C10orf67: variants seen among roughly 807,000 people sequenced by gnomAD.
C10orf67 encodes uncharacterized protein C10orf67, mitochondrial.
A neutral mutation model predicts 35.6 loss-of-function variants in C10orf67; 60 were observed. That is an observed-to-expected ratio of 1.68 (90% CI 1.37 to 2.09). The LOEUF is 2.09. Among genes scored for constraint, C10orf67 ranks in the 30% most tolerant of loss-of-function variants. The pLI is 0.00. For synonymous variants in C10orf67, 167 were observed against 115.8 expected (o/e 1.44, Z -2.84); for missense variants, 474 against 330.2 (o/e 1.44, Z -3.38).
intron 1 of C10orf67, among the ~76,000 whole-genome samples, chr10:23,343,291 TC>T (rs1311731195): frequency 2.0e-5 from 3 of 152,054 alleles, no homozygotes; most frequent in African/African-American, 4.8e-5. Flanking sequence ...TTAGTGCCCT[TC>T]TAAAAGCAGG....
At position 23,262,727 on chromosome 10, in the gene C10orf67, T is replaced by C. The variant is rs1842785986; in HGVS notation, c.1200+3535A>G. Among the ~76,000 whole-genome samples the C allele has an allele frequency of 3.9e-5, 6 of 152,214 alleles. 1 individual carries two copies. In the South Asian group the frequency reaches 1.2e-3, roughly 32 times the overall value. ...AAACGCTATTTTCACTAGAATATTT[T>C]CTGTTCCAAATATACCAAAGGTATT... On this transcript the variant is annotated intron_variant, in intron 10 of 15. Coordinates refer to ENST00000636213, the MANE Select transcript of C10orf67 (RefSeq NM_001371909.1).
intron 12 of C10orf67, among the ~76,000 whole-genome samples, chr10:23,242,129 G>T (rs527538659): frequency 6.6e-6 from 1 of 152,048 alleles, no homozygotes; most frequent in Admixed American, 6.5e-5. Flanking sequence ...CTGCCACCAC[G>T]CCCAGCTTAT....
chr10:23,243,313 G>A (rs1842230609), intron 12 of C10orf67, among the ~76,000 whole-genome samples: 1 of 152,138 alleles, frequency 6.6e-6, no homozygotes, highest in African/African-American at 2.4e-5. Context: ...TAATAAGTAT[G>A]TAAAAGATGG....
At chr10:23,300,279 T>G in intron 5 of C10orf67, among the ~76,000 whole-genome samples, 1 of 152,190 alleles carries the variant, frequency 6.6e-6, no homozygotes, top group Non-Finnish European at 1.5e-5. Context: ...TAGACCGCAC[T>G]GGAAGCAAGC....
intron 5 of C10orf67, among the ~76,000 whole-genome samples, chr10:23,293,922 A>T (rs1272332241): frequency 6.6e-6 from 1 of 152,204 alleles, no homozygotes; most frequent in Non-Finnish European, 1.5e-5. Flanking sequence ...CTCAGGCCCA[A>T]CCCAGAGCTA....
intron 7 of C10orf67, among the ~76,000 whole-genome samples, chr10:23,286,649 G>A (rs551560429): frequency 1.3e-5 from 2 of 149,190 alleles, no homozygotes; most frequent in Admixed American, 1.3e-4. Context: ...AGGAAAGGAG[G>A]GAGAAAGGAG....
At chr10:23,322,853 C>T (rs11013387) in intron 2 of C10orf67, among the ~76,000 whole-genome samples, 1 of 151,686 alleles carries the variant, frequency 6.6e-6, no homozygotes, top group South Asian at 2.1e-4. Context: ...TATATATATA[C>T]ACACATTAAA....
intron 5 of C10orf67, among the ~76,000 whole-genome samples, chr10:23,298,954 C>T (rs1843981148): frequency 6.6e-6 from 1 of 152,160 alleles, no homozygotes; most frequent in African/African-American, 2.4e-5. Context: ...TTCCTGAACC[C>T]TTGGGGTAAA....
intron 5 of C10orf67, among the ~76,000 whole-genome samples, chr10:23,292,048 A>T (rs1843733788): frequency 6.6e-6 from 1 of 152,086 alleles, no homozygotes; most frequent in South Asian, 2.1e-4. Context: ...GTTTTAGTAA[A>T]GCAAACTCAT....
At chr10:23,202,241 A>C (rs960404286), downstream of C10orf67, 1 of 152,246 alleles carries the variant, frequency 6.6e-6, no homozygotes. Flanking sequence ...CAACCTAGCT[A>C]GTTCTGCGGA....
intron 15 of C10orf67, among the ~76,000 whole-genome samples, chr10:23,218,730 T>C (rs1159465700): frequency 6.6e-6 from 1 of 152,214 alleles, no homozygotes; most frequent in Admixed American, 6.5e-5. Context: ...AGGTTAGTCC[T>C]GGTATTAACT....
At chr10:23,280,621 C>T (rs929016986) in intron 8 of C10orf67, among the ~76,000 whole-genome samples, 4 of 152,154 alleles carry the variant, frequency 2.6e-5, no homozygotes, top group East Asian at 1.9e-4. Context: ...CTTTCGCTGT[C>T]GTGGGGTTTG....
intron 7 of C10orf67, among the ~76,000 whole-genome samples, chr10:23,287,377 A>G (rs1189468155): frequency 6.6e-6 from 1 of 152,250 alleles, no homozygotes; most frequent in African/African-American, 2.4e-5. Context: ...CAATGGGGAA[A>G]GGATCTCCTA....
intron 15 of C10orf67, among the ~76,000 whole-genome samples, chr10:23,221,641 A>G (rs1841583869): frequency 6.6e-6 from 1 of 152,188 alleles, no homozygotes; most frequent in African/African-American, 2.4e-5. Flanking sequence ...CCACTGTGCA[A>G]AGCTATTTTG....
Position 23,244,718 on chromosome 10 carries a change from C to T in C10orf67, c.1347-4902G>A, listed in dbSNP as rs181350758. Among the ~76,000 whole-genome samples the T allele has an allele frequency of 1.2e-3, 175 of 152,172 alleles. 1 individual carries two copies. In the South Asian group the frequency reaches 0.014, roughly 12 times the overall value. The stretch of plus-strand genomic sequence containing the variant: ...TTAAAGTAGATACAAATAAATAAAA[C>T]GATATCTTGTATTCATGAATTAAAA... On this transcript the variant is annotated intron_variant, in intron 12 of 15. Coordinates refer to ENST00000636213, the MANE Select transcript of C10orf67 (RefSeq NM_001371909.1).
chr10:23,250,758 G>A (rs905134539), intron 10 of C10orf67, 67 bp from the exon 11 acceptor site: 9 of 397,314 alleles, frequency 2.3e-5, no homozygotes, highest in African/African-American at 1.9e-4. Context: ...CCATAAATCT[G>A]AAAAGACTAT....
chr10:23,238,748 T>C (rs1842106810), intron 13 of C10orf67, among the ~76,000 whole-genome samples: 1 of 152,174 alleles, frequency 6.6e-6, no homozygotes, highest in Non-Finnish European at 1.5e-5. Context: ...AATTATAACC[T>C]GCAGGGTGAG....
At chr10:23,257,853 A>T (rs1355589773) in intron 10 of C10orf67, among the ~76,000 whole-genome samples, 1 of 151,916 alleles carries the variant, frequency 6.6e-6, no homozygotes, top group Non-Finnish European at 1.5e-5. Flanking sequence ...CATAGCAACA[A>T]GCAAACTCAA....
Position 23,259,542 on chromosome 10 carries a change from G to A in C10orf67, c.1200+6720C>T, listed in dbSNP as rs181542961. ...AAAAGTCCAGGAAAAAAAATCTATC[G>A]TTGGGAGACAAAGCAATAAACAGAA... On this transcript the variant is annotated intron_variant, in intron 10 of 15. Coordinates refer to ENST00000636213, the MANE Select transcript of C10orf67 (RefSeq NM_001371909.1). Among the ~76,000 whole-genome samples, 19 of 152,154 alleles carry A rather than the reference G, an allele frequency of 1.2e-4. No homozygotes were observed. The South Asian group carries it at 2.1e-3, about 17-fold the overall frequency.
Sources: gnomAD v4.1 joint callset for allele counts (sites outside exome capture counted in the v4.1 genomes callset) on GRCh38, gnomAD v4.1.1 for gene constraint, MANE v1.5 for transcripts, NCBI Gene and HGNC (gene_info 2026-07-23, HGNC 2026-07-21) for gene names.